MUC20: variants seen among roughly 807,000 people sequenced by gnomAD.
MUC20 encodes mucin 20, cell surface associated.
In MUC20, 14 loss-of-function variants were observed where a neutral mutation model predicts 23.8. The observed-to-expected ratio is 0.59, with a 90% confidence interval of 0.39 to 0.92. The LOEUF is 0.92. Among genes scored for constraint, MUC20 ranks in the 40% least tolerant of loss-of-function variants. The probability of loss-of-function intolerance (pLI) is 0.00; values close to 1 mark genes in which losing one functional copy is unlikely to be tolerated. For synonymous variants in MUC20, 166 were observed against 279.3 expected (o/e 0.59, Z 4.04); for missense variants, 375 against 668.8 (o/e 0.56, Z 4.85).
chr3:195,728,653 C>T (rs1236140558), intron 2 of MUC20, among the ~76,000 whole-genome samples: 3 of 152,012 alleles, frequency 2.0e-5, no homozygotes, highest in African/African-American at 7.3e-5. Context: ...TCCTCTTTTA[C>T]TAATCCACCT....
At chr3:195,722,785 G>A in intron 1 of MUC20, 1 of 985,896 alleles carries the variant, frequency 1.0e-6, no homozygotes, top group Non-Finnish European at 1.2e-6. Flanking sequence ...AGAAGAAACT[G>A]TATTATGAAG....
intron 2 of MUC20, among the ~76,000 whole-genome samples, chr3:195,727,385 A>T (rs1481391983): frequency 6.6e-6 from 1 of 152,266 alleles, no homozygotes; most frequent in African/African-American, 2.4e-5. Flanking sequence ...AAAAAAAGGT[A>T]AGATAAAATA....
intron 2 of MUC20, among the ~76,000 whole-genome samples, chr3:195,728,671 G>A (rs775138057): frequency 1.3e-5 from 2 of 152,028 alleles, no homozygotes; most frequent in Non-Finnish European, 2.9e-5. Context: ...CCTCAGCACA[G>A]ACCCTTTACG....
In MUC20 at chr3:195,729,704, A is replaced by G; in HGVS notation, c.2026A>G (p.Thr676Ala). 4.4e-6 allele frequency: 7 copies of G among 1,597,870 alleles called. No homozygotes were observed. Among genetic ancestry groups the G allele is most frequent in the Non-Finnish European group, 6.0e-6 (7 of 1,171,706 alleles). Residue 676 changes from threonine (T) to alanine (A), a missense_variant, in exon 3 of 4, where the codon ACT becomes GCT. Physicochemically the swap from Thr to Ala is moderately conservative, Grantham distance 58. Transcript: ENST00000447234. Reference protein sequence around the residue: ...RLSVASPEDLTDPRVAERLMQ... With the variant: ...RLSVASPEDLADPRVAERLMQ... ...GAGTGTGGCTTCCCCGGAAGACCTC[A>G]CTGACCCCAGAGTGGCAGAAAGGCT...
intron 3 of MUC20, chr3:195,730,260 A>G (rs1713240643): frequency 6.4e-6 from 1 of 155,420 alleles, no homozygotes; most frequent in South Asian, 2.1e-4. Flanking sequence ...GTCTTTCTTC[A>G]TGTGTATGAA....
At position 195,733,218 on chromosome 3, in the gene MUC20, A is replaced by C; in HGVS notation, c.2130A>C (p.Ter710TyrextTer19). Residue 710 changes from the stop codon to tyrosine (Y), a stop_lost, in exon 4 of 4, where the codon TAA becomes TAC. Transcript: ENST00000447234. ...QVSLLRVRRG* is the reference protein window; with the variant it reads ...QVSLLRVRRGY ...CCTTACTGCGTGTCAGGAGAGGCTAACGGACATCAGCTGCAGCCAGGCATG... is the reference window on the plus strand; with the variant it reads ...CCTTACTGCGTGTCAGGAGAGGCTACCGGACATCAGCTGCAGCCAGGCATG... 1 of 1,588,756 alleles carries C rather than the reference A, an allele frequency of 6.3e-7. No homozygotes were observed. The highest frequency in any genetic ancestry group is 8.6e-7 in the Non-Finnish European group (1 of 1,168,626).
At chr3:195,726,659 A>G in intron 2 of MUC20, 87 bp downstream of exon 2, 1 of 1,450,342 alleles carries the variant, frequency 6.9e-7, no homozygotes. Flanking sequence ...AGAGGAGGGA[A>G]GGATCTGGAG....
Position 195,725,966 on chromosome 3 carries a change from A to T in MUC20, c.1363A>T (p.Thr455Ser), listed in dbSNP as rs1425252981. 6.2e-7 allele frequency: 1 copy of T among 1,613,784 alleles called. No homozygotes were observed. The highest frequency in any genetic ancestry group is 2.2e-5 in the East Asian group (1 of 44,882). Residue 455 changes from threonine to serine, a missense_variant, in exon 2 of 4, where the codon ACC (threonine) becomes TCC (serine). Coordinates refer to ENST00000447234, the MANE Select transcript of MUC20 (RefSeq NM_001282506.2). ...IPTEGVKASS[T>S]SDPPALPDST... ...CACGGAAGGGGTGAAGGCCTCGTCC[A>T]CCTCCGATCCACCAGCTCTGCCTGA...
chr3:195,723,581 C>G (rs1243225195), intron 1 of MUC20, among the ~76,000 whole-genome samples: 1 of 118,020 alleles, frequency 8.5e-6, no homozygotes, highest in Non-Finnish European at 1.8e-5. Flanking sequence ...ATGAGAAATA[C>G]TCATGCTAAA....
chr3:195,726,266 G>A lies in MUC20; in HGVS notation c.1663G>A (p.Glu555Lys). The change falls in exon 2 of 4, where the codon GAG (glutamate) becomes AAG (lysine). Residue 555 changes from glutamate to lysine, a missense_variant. Glu to Lys is a moderately conservative substitution (Grantham distance 56). This residue lies in a region of MUC20 where 343 missense variants were observed against 340.2 expected (regional missense o/e 1.01). Coordinates refer to ENST00000447234, the MANE Select transcript of MUC20 (RefSeq NM_001282506.2). ...CTCAGGAGCAGCTCCGGTCTCCATAGAGGCTGGGTCAGCAGTGGGCAAAAC... is the reference window on the plus strand; with the variant it reads ...CTCAGGAGCAGCTCCGGTCTCCATAAAGGCTGGGTCAGCAGTGGGCAAAAC... ...KVSGAAPVSI[E>K]AGSAVGKTTS... The A allele has an allele frequency of 6.2e-7, 1 of 1,614,040 alleles. No individual in the cohort carries two copies.
At chr3:195,728,964 G>A (rs1381256024) in intron 2 of MUC20, among the ~76,000 whole-genome samples, 1 of 152,254 alleles carries the variant, frequency 6.6e-6, no homozygotes, top group African/African-American at 2.4e-5. Flanking sequence ...CTCAAGGTTG[G>A]GGCAAAGTTA....
rs1240667666 is a variant in MUC20 at position 195,726,454 on chromosome 3, C to G, written c.1851C>G (p.Ser617Arg). 5 of 1,614,060 alleles carry G rather than the reference C, an allele frequency of 3.1e-6. No individual in the cohort carries two copies. The South Asian group carries it at 5.5e-5, about 18-fold the overall frequency. ...CTGTCCCTCCGACTACAACCAACAG[C>G]AGCCGAGGGACGAACAGCACCTTAG... The part of the protein sequence containing the change: ...LPSVPPTTTN[S>R]SRGTNSTLAK... Residue 617 changes from serine to arginine, a missense_variant, in exon 2 of 4, where the codon AGC becomes AGG. This residue lies in a region of MUC20 where 343 missense variants were observed against 340.2 expected (regional missense o/e 1.01). Coordinates refer to ENST00000447234, the MANE Select transcript of MUC20 (RefSeq NM_001282506.2).
chr3:195,729,911 C>T, intron 3 of MUC20, 172 bp downstream of exon 3: 1 of 666,116 alleles, frequency 1.5e-6, no homozygotes, highest in East Asian at 2.8e-5. Flanking sequence ...TTTGCTTCTG[C>T]CTGCCTTCTC....
chr3:195,725,947 A>T lies in MUC20; in HGVS notation c.1344A>T (p.Glu448Asp), dbSNP rs1343290387. Residue 448 changes from glutamate (E) to aspartate (D), a missense_variant, in exon 2 of 4, where the codon GAA (glutamate) becomes GAT (aspartate). By Grantham distance (45) the Glu-to-Asp change is conservative (BLOSUM62 2). Coordinates refer to ENST00000447234, the MANE Select transcript of MUC20 (RefSeq NM_001282506.2). ...CAGACACAGATCTCATCCCCACGGA[A>T]GGGGTGAAGGCCTCGTCCACCTCCG... ...GASDTDLIPT[E>D]GVKASSTSDP... 6.2e-7 allele frequency: 1 copy of T among 1,613,862 alleles called. No individual in the cohort carries two copies. The highest frequency in any genetic ancestry group is 1.1e-5 in the South Asian group (1 of 91,050).
chr3:195,728,662 C>G (rs1577856498), intron 2 of MUC20, among the ~76,000 whole-genome samples: 1 of 152,044 alleles, frequency 6.6e-6, no homozygotes, highest in Non-Finnish European at 1.5e-5. Flanking sequence ...ACTAATCCAC[C>G]TCAGCACAGA....
At chr3:195,723,221 G>A (rs11185533) in intron 1 of MUC20, among the ~76,000 whole-genome samples, 2 of 130,026 alleles carry the variant, frequency 1.5e-5, no homozygotes, top group East Asian at 2.0e-4. Flanking sequence ...TGACTCCTGC[G>A]TCGTCATTCC....
At chr3:195,729,598 G>A (rs1390454248) in intron 2 of MUC20, 50 bp from the exon 3 acceptor site, 6 of 1,515,044 alleles carry the variant, frequency 4.0e-6, no homozygotes, top group Non-Finnish European at 5.4e-6. Context: ...TGACAGGTGT[G>A]AGCCACTGCG....
chr3:195,729,389 TCAC>T, intron 2 of MUC20: 1 of 404,166 alleles, frequency 2.5e-6, no homozygotes, highest in Non-Finnish European at 4.5e-6. Flanking sequence ...CGATCTCAGA[TCAC>T]CACAACCTCC....
intron 2 of MUC20, among the ~76,000 whole-genome samples, chr3:195,728,872 T>G (rs569377314): frequency 2.6e-5 from 4 of 152,342 alleles, no homozygotes; most frequent in African/African-American, 9.6e-5. Flanking sequence ...ATACTGCTTG[T>G]AAACATTTTG....
Sources: gnomAD v4.1 joint callset for allele counts (sites outside exome capture counted in the v4.1 genomes callset) on GRCh38, gnomAD v4.1.1 for gene constraint, gnomAD v4.1.1 regional missense constraint, MANE v1.5 for transcripts, NCBI Gene and HGNC (gene_info 2026-07-23, HGNC 2026-07-21) for gene names.